The following SAMTOR variants were observed in gnomAD, a reference collection of about 807,000 sequenced individuals.
SAMTOR encodes UPF0532 protein C7orf60.
the SAMTOR span, among the ~76,000 whole-genome samples, chr7:112,871,142 T>TA: frequency 6.6e-6 from 1 of 152,170 alleles, no homozygotes; most frequent in Non-Finnish European, 1.5e-5. Context: ...ATTCTGGACT[T>TA]AAATTTGACA....
the SAMTOR span, among the ~76,000 whole-genome samples, chr7:112,920,650 A>G: frequency 1.9e-3 from 270 of 144,874 alleles, no homozygotes; most frequent in African/African-American, 6.5e-3. Flanking sequence ...GGAAAAGAGG[A>G]AGTCAAATTG....
the SAMTOR span, among the ~76,000 whole-genome samples, chr7:112,863,906 C>A: frequency 1.3e-5 from 2 of 152,102 alleles, no homozygotes. Context: ...TGGGCATATA[C>A]CCAAAGAAAT....
the SAMTOR span, among the ~76,000 whole-genome samples, chr7:112,933,580 G>C: frequency 6.6e-6 from 1 of 152,074 alleles, no homozygotes; most frequent in Admixed American, 6.6e-5. Context: ...ATATTTCATA[G>C]GCACATATGA....
chr7:112,925,214 C>G, the SAMTOR span, among the ~76,000 whole-genome samples: 1 of 152,124 alleles, frequency 6.6e-6, no homozygotes, highest in Non-Finnish European at 1.5e-5. Flanking sequence ...CATGATGGTA[C>G]ATAACACTAT....
At chr7:112,875,850 A>C in the SAMTOR span, among the ~76,000 whole-genome samples, 1 of 152,212 alleles carries the variant, frequency 6.6e-6, no homozygotes, top group Non-Finnish European at 1.5e-5. Context: ...AGCCTTCTCT[A>C]AAGTTCCACA....
chr7:112,889,455 G>T, the SAMTOR span, among the ~76,000 whole-genome samples: 1 of 152,162 alleles, frequency 6.6e-6, no homozygotes, highest in African/African-American at 2.4e-5. Context: ...AGGTCCATGT[G>T]ACCAGAATAC....
the SAMTOR span, among the ~76,000 whole-genome samples, chr7:112,929,416 T>A: frequency 6.6e-6 from 1 of 152,034 alleles, no homozygotes; most frequent in African/African-American, 2.4e-5. Context: ...TTAGGATGGC[T>A]ATTATCAAAA....
chr7:112,912,073 G>C, the SAMTOR span, among the ~76,000 whole-genome samples: 5 of 151,524 alleles, frequency 3.3e-5, no homozygotes, highest in Non-Finnish European at 7.4e-5. Context: ...TTTGAAGACA[G>C]AAAAATCTGA....
chr7:112,824,381 G>A, the SAMTOR span, among the ~76,000 whole-genome samples: 1 of 151,468 alleles, frequency 6.6e-6, no homozygotes, highest in Non-Finnish European at 1.5e-5. Flanking sequence ...GTTTTTTTGA[G>A]ATGGAGTCTC....
the SAMTOR span, among the ~76,000 whole-genome samples, chr7:112,918,261 C>T: frequency 6.6e-6 from 1 of 152,172 alleles, no homozygotes; most frequent in African/African-American, 2.4e-5. Flanking sequence ...GGCAGAAACT[C>T]TACAAGCCAG....
the SAMTOR span, among the ~76,000 whole-genome samples, chr7:112,834,997 T>C: frequency 3.9e-5 from 6 of 152,300 alleles, no homozygotes; most frequent in African/African-American, 9.6e-5. Context: ...TTTGTTATAA[T>C]TGTTCTATTT....
chr7:112,891,095 ATAAAAAATATATAGAAATC>A, the SAMTOR span, among the ~76,000 whole-genome samples: 1 of 151,138 alleles, frequency 6.6e-6, no homozygotes, highest in Non-Finnish European at 1.5e-5. Context: ...TAACAGAGCT[ATAAAAAATATATAGAAATC>A]TAAAGTTGAT....
At chr7:112,884,348 T>G in the SAMTOR span, among the ~76,000 whole-genome samples, 1 of 152,168 alleles carries the variant, frequency 6.6e-6, no homozygotes, top group Non-Finnish European at 1.5e-5. Context: ...TAACTCATTC[T>G]GTTATTAACC....
At chr7:112,929,823 T>A in the SAMTOR span, among the ~76,000 whole-genome samples, 1 of 152,060 alleles carries the variant, frequency 6.6e-6, no homozygotes, top group Non-Finnish European at 1.5e-5. Flanking sequence ...GCATGCATTG[T>A]CAAAACTTAC....
At chr7:112,822,429 TAC>T in the SAMTOR span, 12 of 1,401,296 alleles carry the variant, frequency 8.6e-6, no homozygotes, top group African/African-American at 1.7e-4. Context: ...TCCACTTTAG[TAC>T]ATAGACTTTT....
the SAMTOR span, among the ~76,000 whole-genome samples, chr7:112,862,923 C>CA: frequency 0.23 from 31,981 of 137,508 alleles, 4,475 homozygotes; most frequent in East Asian, 0.72. Flanking sequence ...CGTGAGACTC[C>CA]AAAAAAAAAA....
the SAMTOR span, among the ~76,000 whole-genome samples, chr7:112,922,605 G>GT: frequency 6.6e-6 from 1 of 151,228 alleles, no homozygotes; most frequent in African/African-American, 2.4e-5. Flanking sequence ...CCTCTGCCCC[G>GT]CCGCCCCGTC....
chr7:112,934,019 TTATAG>T, the SAMTOR span, among the ~76,000 whole-genome samples: 1 of 152,186 alleles, frequency 6.6e-6, no homozygotes, highest in Admixed American at 6.5e-5. Flanking sequence ...TTAAGAAATA[TTATAG>T]TAAACATAAT....
chr7:112,820,087 C>A, the SAMTOR span: 1 of 152,396 alleles, frequency 6.6e-6, no homozygotes, highest in Non-Finnish European at 1.5e-5. Context: ...TTATTTGTGG[C>A]ATATTTGAGC....
Sources: gnomAD v4.1 joint callset for allele counts (sites outside exome capture counted in the v4.1 genomes callset) on GRCh38, gnomAD v4.1.1 for gene constraint, MANE v1.5 for transcripts, NCBI Gene and HGNC (gene_info 2026-07-23, HGNC 2026-07-21) for gene names.